Variants in FGF14 observed in about 807,000 individuals in gnomAD.
The protein encoded by FGF14 is fibroblast growth factor homologous factor 4.
Under a neutral mutation model 25.5 loss-of-function variants are expected in FGF14, and 5 were observed. The ratio of observed to expected loss-of-function variants is 0.20; its 90% CI spans 0.10 to 0.41. FGF14 has a LOEUF of 0.41. Ranked by LOEUF, FGF14 falls within the 10% of genes least tolerant of loss-of-function variation. The pLI is 1.00. For missense variants in FGF14, 222 were observed against 320.1 expected (o/e 0.69, Z 2.34); for synonymous variants, 138 against 118.3 (o/e 1.17, Z -1.08).
At chr13:102,313,899 C>T (rs1188628108) in intron 1 of FGF14, among the ~76,000 whole-genome samples, 2 of 152,116 alleles carry the variant, frequency 1.3e-5, no homozygotes, top group Non-Finnish European at 2.9e-5. Flanking sequence ...AATTAAAATA[C>T]CAATTATTTT....
At chr13:102,026,075 G>A (rs1243212674) in intron 1 of FGF14, among the ~76,000 whole-genome samples, 2 of 151,822 alleles carry the variant, frequency 1.3e-5, no homozygotes, top group Non-Finnish European at 2.9e-5. Flanking sequence ...GTCTGATGTT[G>A]ATGTGCTTTT....
intron 3 of FGF14, among the ~76,000 whole-genome samples, chr13:101,761,963 C>A (rs1185299929): frequency 6.6e-6 from 1 of 152,216 alleles, no homozygotes; most frequent in Non-Finnish European, 1.5e-5. Context: ...GGACAGGAAC[C>A]AGCTAATTCC....
At chr13:101,796,074 C>T (rs1416696109) in intron 3 of FGF14, among the ~76,000 whole-genome samples, 1 of 152,034 alleles carries the variant, frequency 6.6e-6, no homozygotes, top group Non-Finnish European at 1.5e-5. Flanking sequence ...CCAAAATTAA[C>T]AGCAGTTCCT....
chr13:101,931,471 T>C (rs934875249), intron 1 of FGF14, among the ~76,000 whole-genome samples: 1 of 152,210 alleles, frequency 6.6e-6, no homozygotes, highest in Admixed American at 6.5e-5. Flanking sequence ...GCTGCAATTA[T>C]CTCAATTCTC....
intron 1 of FGF14, among the ~76,000 whole-genome samples, chr13:102,000,554 T>C (rs2039435636): frequency 1.3e-5 from 2 of 152,198 alleles, no homozygotes; most frequent in African/African-American, 2.4e-5. Flanking sequence ...TCTTCACAAG[T>C]ATGTATTTTT....
At position 101,748,747 on chromosome 13, in the gene FGF14, T is replaced by TA. The variant is rs55785965; in HGVS notation, c.409-21938dup. Among the ~76,000 whole-genome samples the TA allele has an allele frequency of 2.5e-3, 179 of 70,718 alleles. 3 individuals are homozygous for TA. The highest frequency in any genetic ancestry group is 5.5e-3 in the African/African-American group (103 of 18,566). The allele number at this position is 70,718 out of a possible 152,430, so 46.4% of individuals were successfully genotyped here. The stretch of plus-strand genomic sequence containing the variant: ...CTAAGGAAAAGAGTATGGAGGTTTC[T>TA]AAAAAAAAAAAAAAAAAAAAAAAAA... On this transcript the variant is annotated intron_variant, in intron 3 of 4. Coordinates refer to ENST00000376143, the MANE Select transcript of FGF14 (RefSeq NM_004115.4).
intron 3 of FGF14, among the ~76,000 whole-genome samples, chr13:101,789,926 T>C (rs1232971804): frequency 2.6e-5 from 4 of 151,776 alleles, no homozygotes; most frequent in African/African-American, 7.2e-5. Context: ...ATAATGCCCT[T>C]ACATTATTCT....
chr13:102,150,968 G>A (rs1220778051), intron 1 of FGF14, among the ~76,000 whole-genome samples: 5 of 152,128 alleles, frequency 3.3e-5, no homozygotes, highest in Non-Finnish European at 7.4e-5. Context: ...GTATGTGTTG[G>A]GAATGCAAAG....
At chr13:102,195,727 G>A (rs2049317544) in intron 1 of FGF14, among the ~76,000 whole-genome samples, 1 of 151,004 alleles carries the variant, frequency 6.6e-6, no homozygotes. Context: ...AGGAAGCAGA[G>A]GTTGCAGTGA....
rs560602628 is a variant in FGF14 at position 101,895,143 on chromosome 13, T to C, written c.194-19847A>G. ...ACTTCCTTAAATAAAGGTTTAAGTG[T>C]ACATCCTTTTCTTGTCATGTTAATG... On this transcript the variant is annotated intron_variant, in intron 1 of 4. Transcript: ENST00000376143. Among the ~76,000 whole-genome samples the C allele has an allele frequency of 3.9e-5, 6 of 152,278 alleles. No homozygotes were observed. The South Asian group carries it at 1.2e-3, about 32-fold the overall frequency.
chr13:101,819,429 G>C lies in FGF14; in HGVS notation c.408+49296C>G, dbSNP rs570073174. ...CAGTGGGGAATCTTGCCCCAAAATT[G>C]GGTTCACAGACTCAATGTGAATAGG... On this transcript the variant is annotated intron_variant, in intron 3 of 4. Coordinates refer to ENST00000376143, the MANE Select transcript of FGF14 (RefSeq NM_004115.4). 1.6e-4 allele frequency among the ~76,000 whole-genome samples: 24 copies of C among 152,286 alleles called. No individual in the cohort carries two copies. The South Asian group carries it at 5.0e-3, about 32-fold the overall frequency.
chr13:102,006,136 A>C, intron 1 of FGF14, among the ~76,000 whole-genome samples: 1 of 152,230 alleles, frequency 6.6e-6, no homozygotes, highest in African/African-American at 2.4e-5. Context: ...TCTGTCATTA[A>C]GAAGTTTAAA....
At chr13:102,275,931 T>G (rs1427302015) in intron 1 of FGF14, among the ~76,000 whole-genome samples, 1 of 152,056 alleles carries the variant, frequency 6.6e-6, no homozygotes, top group Non-Finnish European at 1.5e-5. Context: ...TAAATTGAGT[T>G]TAAGAGCAAT....
At chr13:102,204,972 T>C (rs901155411) in intron 1 of FGF14, among the ~76,000 whole-genome samples, 2 of 152,222 alleles carry the variant, frequency 1.3e-5, no homozygotes, top group African/African-American at 2.4e-5. Flanking sequence ...AATGTCTTGG[T>C]ACAAGTTAGG....
intron 1 of FGF14, among the ~76,000 whole-genome samples, chr13:101,951,367 T>C (rs1485338960): frequency 6.6e-6 from 1 of 152,092 alleles, no homozygotes; most frequent in East Asian, 1.9e-4. Flanking sequence ...AGCATGGCAG[T>C]GGAAAGAGGA....
chr13:102,100,990 T>C (rs1347084045), intron 1 of FGF14, among the ~76,000 whole-genome samples: 2 of 152,040 alleles, frequency 1.3e-5, no homozygotes, highest in Non-Finnish European at 2.9e-5. Context: ...TCCCAGTTAC[T>C]TGGGAGGCTG....
chr13:101,892,236 G>A (rs1171531304), intron 1 of FGF14, among the ~76,000 whole-genome samples: 1 of 152,034 alleles, frequency 6.6e-6, no homozygotes, highest in Non-Finnish European at 1.5e-5. Context: ...TTCCCCTAAG[G>A]AAAAGTGCCT....
At chr13:102,300,462 C>G (rs2054972989) in intron 1 of FGF14, among the ~76,000 whole-genome samples, 1 of 152,142 alleles carries the variant, frequency 6.6e-6, no homozygotes, top group Admixed American at 6.5e-5. Flanking sequence ...CCAGATTTGA[C>G]AGTCTTGTTG....
chr13:102,142,720 C>T (rs1030382702), intron 1 of FGF14, among the ~76,000 whole-genome samples: 15 of 152,224 alleles, frequency 9.9e-5, no homozygotes, highest in African/African-American at 2.6e-4. Context: ...GCTTCCATAC[C>T]TTTCACACCT....
Sources: allele counts gnomAD v4.1 joint callset (sites outside exome capture counted in the v4.1 genomes callset), GRCh38; gene constraint gnomAD v4.1.1; transcripts MANE v1.5; gene names NCBI Gene and HGNC (gene_info 2026-07-23, HGNC 2026-07-21).